The following PDS5A variants were observed in gnomAD, a reference collection of about 807,000 sequenced individuals.
PDS5A encodes the protein PDS5 cohesin associated factor A, also known as sister chromatid cohesion protein PDS5 homolog A.
PDS5A carries 42 observed loss-of-function variants against 167.1 expected under a neutral mutation model. That is an observed-to-expected ratio of 0.25 (90% CI 0.20 to 0.33). The LOEUF is 0.33. Ranked by LOEUF, PDS5A falls within the 10% of genes least tolerant of loss-of-function variation. The pLI, the probability that PDS5A is intolerant of heterozygous loss-of-function variation, is 1.00. For synonymous variants in PDS5A, 553 were observed against 554.6 expected (o/e 1.00, Z 0.04); for missense variants, 1,033 against 1,605.9 (o/e 0.64, Z 6.10).
rs987453106 is a variant in PDS5A, at chr4:39,910,907, T to C, written c.993-569A>G. Among the ~76,000 whole-genome samples, 18 of 152,102 alleles carry C rather than the reference T, an allele frequency of 1.2e-4. 1 individual carries two copies. In the South Asian group the frequency reaches 3.7e-3, roughly 32 times the overall value. The stretch of plus-strand genomic sequence containing the variant: ...CTATTACTCAGGAAGCTGAGGTGGG[T>C]GGATTGCTTGCACTCAGGAGTTCAA... On this transcript the variant is annotated intron_variant, in intron 9 of 32. Transcript: ENST00000303538.
At chr4:39,877,459 G>A (rs188244304) in intron 18 of PDS5A, among the ~76,000 whole-genome samples, 10 of 152,160 alleles carry the variant, frequency 6.6e-5, no homozygotes, top group Admixed American at 5.9e-4. Flanking sequence ...TTTATGGAAT[G>A]TGATTTACAA....
chr4:39,832,444 ACCTCGTGATCCACCCG>A (rs1323922775), intron 32 of PDS5A, among the ~76,000 whole-genome samples: 4 of 151,942 alleles, frequency 2.6e-5, no homozygotes, highest in African/African-American at 9.6e-5. Context: ...CGATCTCCTG[ACCTCGTGATCCACCCG>A]CCTCCCAAAG....
intron 17 of PDS5A, 87 bp downstream of exon 17, chr4:39,890,162 G>GT: frequency 1.4e-6 from 1 of 691,036 alleles, no homozygotes; most frequent in Non-Finnish European, 2.5e-6. Context: ...AGGTTTTCAG[G>GT]TATCTTTAGG....
In PDS5A at chr4:39,824,312, T is replaced by C. The variant is rs925373401; in HGVS notation, c.*1173A>G. 3.3e-5 allele frequency: 5 copies of C among 152,298 alleles called. No individual in the cohort carries two copies. The highest frequency in any genetic ancestry group is 1.2e-4 in the African/African-American group (5 of 41,580). 9.4% of individuals were successfully genotyped at this position (152,298 alleles called of 1,614,324 possible). A position where few individuals can be genotyped will look rare whatever the true frequency, so the allele number is the denominator to read the frequency against. On this transcript the variant is annotated 3_prime_UTR_variant, in exon 33 of 33. Coordinates refer to ENST00000303538, the MANE Select transcript of PDS5A (RefSeq NM_001100399.2). ...CATATGATAAAAAGATTAAAAAGAC[T>C]GCCATGACATCTAGAAGCATTTATT...
chr4:39,926,024 A>G, intron 4 of PDS5A, 91 bp from the exon 5 acceptor site: 1 of 381,680 alleles, frequency 2.6e-6, no homozygotes, highest in Non-Finnish European at 4.6e-6. Flanking sequence ...TTTTAGAGTT[A>G]GAAACATATT....
intron 2 of PDS5A, among the ~76,000 whole-genome samples, chr4:39,946,142 G>A (rs1203435043): frequency 6.6e-6 from 1 of 151,370 alleles, no homozygotes; most frequent in Non-Finnish European, 1.5e-5. Flanking sequence ...AGGAGGCAGA[G>A]GTTACAGTGA....
In PDS5A at chr4:39,904,109, G is replaced by C; in HGVS notation, c.1316C>G (p.Ala439Gly). 1 of 1,611,712 alleles carries C rather than the reference G, an allele frequency of 6.2e-7. No homozygotes were observed. The highest frequency in any genetic ancestry group is 8.5e-7 in the Non-Finnish European group (1 of 1,178,250). Reference protein sequence around the residue: ...YCLHGEAGKEAAEKVSWIKDK... With the variant: ...YCLHGEAGKEGAEKVSWIKDK... ...CTTTATCCAGCTGACTTTCTCTGCA[G>C]CTTCCTTTCCTGCTTCACCATGAAG... The change falls in exon 12 of 33, where the codon GCT becomes GGT. Residue 439 changes from alanine to glycine, a missense_variant. This residue lies in a region of PDS5A where 388 missense variants were observed against 615.1 expected (regional missense o/e 0.63). Transcript: ENST00000303538.
chr4:39,946,825 A>C (rs1727816763), intron 2 of PDS5A, among the ~76,000 whole-genome samples: 1 of 152,182 alleles, frequency 6.6e-6, no homozygotes, highest in South Asian at 2.1e-4. Flanking sequence ...AGGCAGGAGA[A>C]TCGCTTCAAC....
At chr4:39,940,823 T>C (rs1008306954) in intron 2 of PDS5A, among the ~76,000 whole-genome samples, 8 of 152,158 alleles carry the variant, frequency 5.3e-5, no homozygotes, top group Non-Finnish European at 1.0e-4. Flanking sequence ...TGGCTAAATT[T>C]TGGGGTCTTG....
chr4:39,847,101 GTTA>G (rs1423416417), intron 28 of PDS5A: 1 of 151,716 alleles, frequency 6.6e-6, no homozygotes, highest in Non-Finnish European at 1.5e-5. Context: ...AACCTAAGTT[GTTA>G]TTATTAAGAA....
intron 22 of PDS5A, 111 bp downstream of exon 22, chr4:39,869,283 C>A: frequency 1.4e-6 from 1 of 738,886 alleles, no homozygotes; most frequent in Non-Finnish European, 2.4e-6. Context: ...CCAAACTGAG[C>A]AACACAGCAA....
intron 7 of PDS5A, 26 bp from the exon 8 acceptor site, chr4:39,917,214 G>A (rs749604002): frequency 2.0e-6 from 3 of 1,470,844 alleles, no homozygotes; most frequent in African/African-American, 1.5e-5. Flanking sequence ...AAAACAAAAA[G>A]AAAACATCCA....
intron 2 of PDS5A, among the ~76,000 whole-genome samples, chr4:39,954,670 T>TAAATAAAAAAA (rs1553908181): frequency 2.1e-5 from 1 of 48,280 alleles, no homozygotes; most frequent in Non-Finnish European, 4.1e-5. Context: ...AAGAGATAAG[T>TAAATAAAAAAA]AAAAAAAAAA....
intron 17 of PDS5A, among the ~76,000 whole-genome samples, chr4:39,884,786 T>C (rs1721265533): frequency 6.6e-6 from 1 of 152,206 alleles, no homozygotes; most frequent in South Asian, 2.1e-4. Context: ...CTCAACCTTT[T>C]CCTTTTTAAA....
chr4:39,895,156 C>G (rs760414298), intron 16 of PDS5A, among the ~76,000 whole-genome samples: 2 of 142,584 alleles, frequency 1.4e-5, no homozygotes, highest in Admixed American at 7.6e-5. Context: ...GAGCCAAGAT[C>G]GCGCCACTGC....
chr4:39,823,462 T>C lies in PDS5A; in HGVS notation c.*2023A>G, dbSNP rs1169599188. 2.0e-5 allele frequency: 3 copies of C among 152,578 alleles called. No individual in the cohort carries two copies. Among genetic ancestry groups the C allele is most frequent in the Non-Finnish European group, 4.4e-5 (3 of 68,020 alleles). 9.5% of individuals were successfully genotyped at this position (152,578 alleles called of 1,614,324 possible). Reference sequence around the variant, plus strand: ...TATGATGTAACACTTGGTAATCTAGTAAACTGTGATGCCGGGCAATTAATC... The same window carrying C: ...TATGATGTAACACTTGGTAATCTAGCAAACTGTGATGCCGGGCAATTAATC... On this transcript the variant is annotated 3_prime_UTR_variant, in exon 33 of 33. Coordinates refer to ENST00000303538, the MANE Select transcript of PDS5A (RefSeq NM_001100399.2).
intron 13 of PDS5A, 74 bp from the exon 14 acceptor site, chr4:39,900,581 G>C: frequency 1.1e-6 from 1 of 907,764 alleles, no homozygotes. Flanking sequence ...AACCTTTCTT[G>C]TTGCATGCTG....
chr4:39,902,385 TA>T lies in PDS5A; in HGVS notation c.1460del (p.Leu487TyrfsTer13). 1 of 1,586,356 alleles carries T rather than the reference TA, an allele frequency of 6.3e-7. No individual in the cohort carries two copies. The highest frequency in any genetic ancestry group is 8.6e-7 in the Non-Finnish European group (1 of 1,158,536). On this transcript the variant is annotated frameshift_variant, in exon 13 of 33. Coordinates refer to ENST00000303538, the MANE Select transcript of PDS5A (RefSeq NM_001100399.2). LOFTEE classifies it high-confidence loss of function. ...GATCCAAACTAGCATATAAGTAATA[TA>T]AGCATTTCATTCTCTCTTCTGTTTC... ...NLETEERMKC[L>X]YYLYASLDPN...
intron 17 of PDS5A, among the ~76,000 whole-genome samples, chr4:39,887,939 C>T (rs1434890094): frequency 6.6e-6 from 1 of 151,844 alleles, no homozygotes; most frequent in East Asian, 1.9e-4. Context: ...CAAAACCATA[C>T]AAAAAAATCC....
Sources: allele counts gnomAD v4.1 joint callset (sites outside exome capture counted in the v4.1 genomes callset), GRCh38; gene constraint gnomAD v4.1.1; regional missense constraint gnomAD v4.1.1; transcripts MANE v1.5; gene names NCBI Gene and HGNC (gene_info 2026-07-23, HGNC 2026-07-21).